The following FRMD5 variants were observed in gnomAD, a reference collection of about 807,000 sequenced individuals.
FRMD5 encodes the protein FERM domain-containing protein 5.
In FRMD5, 20 loss-of-function variants were observed where a neutral mutation model predicts 69.0. The observed-to-expected ratio is 0.29, with a 90% confidence interval of 0.20 to 0.42. The LOEUF (loss-of-function observed/expected upper bound fraction) is 0.42. FRMD5 is among the 10% of genes least tolerant of loss of function. FRMD5 has a pLI of 1.00. For missense variants in FRMD5, 595 were observed against 708.6 expected (o/e 0.84, Z 1.82); for synonymous variants, 271 against 260.1 (o/e 1.04, Z -0.40).
At chr15:44,030,300 G>A (rs1002834489) in intron 1 of FRMD5, among the ~76,000 whole-genome samples, 9 of 152,162 alleles carry the variant, frequency 5.9e-5, no homozygotes, top group African/African-American at 2.2e-4. Flanking sequence ...CCCATACCCA[G>A]AGTCAGATTA....
intron 1 of FRMD5, among the ~76,000 whole-genome samples, chr15:43,951,689 C>A (rs935497552): frequency 1.3e-5 from 2 of 152,088 alleles, no homozygotes; most frequent in African/African-American, 4.8e-5. Flanking sequence ...TCCTTTAATG[C>A]TTTTGAGCCT....
intron 1 of FRMD5, among the ~76,000 whole-genome samples, chr15:44,116,649 C>A (rs1003847263): frequency 1.3e-5 from 2 of 152,176 alleles, no homozygotes; most frequent in African/African-American, 4.8e-5. Context: ...GAAGGGTCAG[C>A]ACTATCTCCT....
rs5812262 is a variant in FRMD5, at chr15:44,022,584, G to GAAAAA, written c.103-98280_103-98276dup. On this transcript the variant is annotated intron_variant, in intron 1 of 13. Coordinates refer to ENST00000417257, the MANE Select transcript of FRMD5 (RefSeq NM_032892.5). The stretch of plus-strand genomic sequence containing the variant: ...GCAAGACTCTGTCCCCACTCCACCA[G>GAAAAA]AAAAAAAAAAAAAAAAAAAAAAAGA... Among the ~76,000 whole-genome samples the GAAAAA allele has an allele frequency of 1.9e-4, 14 of 73,168 alleles. No individual in the cohort carries two copies. In the East Asian group the frequency reaches 2.0e-3, roughly 10 times the overall value. 48.0% of individuals were successfully genotyped at this position (73,168 alleles called of 152,430 possible).
chr15:44,020,802 A>C (rs1269026236), intron 1 of FRMD5, among the ~76,000 whole-genome samples: 1 of 152,158 alleles, frequency 6.6e-6, no homozygotes, highest in East Asian at 1.9e-4. Flanking sequence ...GTGTTTGTTG[A>C]TTTCAGTGGT....
intron 1 of FRMD5, among the ~76,000 whole-genome samples, chr15:44,163,304 T>C (rs1027217935): frequency 6.6e-6 from 1 of 152,252 alleles, no homozygotes; most frequent in Non-Finnish European, 1.5e-5. Flanking sequence ...TTATATTCAA[T>C]GTGTCTACTT....
chr15:44,123,934 G>GA (rs887610006), intron 1 of FRMD5, among the ~76,000 whole-genome samples: 2 of 151,996 alleles, frequency 1.3e-5, no homozygotes, highest in African/African-American at 4.8e-5. Context: ...AACTCTTCTT[G>GA]AAAAAAACCA....
chr15:44,003,288 C>T (rs957228792), intron 1 of FRMD5, among the ~76,000 whole-genome samples: 4 of 152,192 alleles, frequency 2.6e-5, no homozygotes, highest in African/African-American at 7.2e-5. Flanking sequence ...GCCTAGATTG[C>T]ACCCAGCTAG....
At chr15:44,041,937 GA>G (rs1168455446) in intron 1 of FRMD5, among the ~76,000 whole-genome samples, 1 of 152,094 alleles carries the variant, frequency 6.6e-6, no homozygotes, top group African/African-American at 2.4e-5. Context: ...GATCAGAGCA[GA>G]ACTGAGGGAG....
At chr15:44,031,717 C>T (rs185788386) in intron 1 of FRMD5, among the ~76,000 whole-genome samples, 93 of 152,226 alleles carry the variant, frequency 6.1e-4, no homozygotes, top group Middle Eastern at 3.4e-3. Flanking sequence ...CCTTTTGGTC[C>T]TATTTCACGT....
intron 1 of FRMD5, among the ~76,000 whole-genome samples, chr15:44,009,690 C>T (rs1890623958): frequency 6.6e-6 from 1 of 152,042 alleles, no homozygotes; most frequent in South Asian, 2.1e-4. Flanking sequence ...AAAAAAAATC[C>T]ACTTTTATGG....
At chr15:44,180,025 T>G (rs1438136071) in intron 1 of FRMD5, among the ~76,000 whole-genome samples, 1 of 133,188 alleles carries the variant, frequency 7.5e-6, no homozygotes, top group East Asian at 2.3e-4. Flanking sequence ...CATTCCAGCC[T>G]GGACAAGATA....
rs1450161994 is a variant in FRMD5, at chr15:44,195,255, A to C, written c.-201T>G. On this transcript the variant is annotated 5_prime_UTR_variant, in exon 1 of 14. Coordinates refer to ENST00000417257, the MANE Select transcript of FRMD5 (RefSeq NM_032892.5). ...CCGCCACCGCCTCCCCCCAGCCCAGATCAAGCGCCGGGCTCTGTCTCCTCG... is the reference window on the plus strand; with the variant it reads ...CCGCCACCGCCTCCCCCCAGCCCAGCTCAAGCGCCGGGCTCTGTCTCCTCG... 2.5e-5 allele frequency: 13 copies of C among 516,720 alleles called. No homozygotes were observed. Among genetic ancestry groups the C allele is most frequent in the Non-Finnish European group, 4.1e-5 (12 of 294,752 alleles). The allele number at this position is 516,720 out of a possible 1,614,324, so 32.0% of individuals were successfully genotyped here.
rs192877183 is a variant in FRMD5, at chr15:44,044,533, G to C, written c.103-120224C>G. Among the ~76,000 whole-genome samples the C allele has an allele frequency of 3.7e-3, 562 of 152,298 alleles. 2 individuals carry two copies. The highest frequency in any genetic ancestry group is 6.8e-3 in the Middle Eastern group (2 of 294). ...CCAACCCAAATGTCCATCAATGATA[G>C]ACTGGATAAACAATATATGGCATAT... On this transcript the variant is annotated intron_variant, in intron 1 of 13. Coordinates refer to ENST00000417257, the MANE Select transcript of FRMD5 (RefSeq NM_032892.5).
rs567128115 is a variant in FRMD5 at position 43,954,828 on chromosome 15, AC to A, written c.103-30520del. Among the ~76,000 whole-genome samples, 496 of 152,330 alleles carry A rather than the reference AC, an allele frequency of 3.3e-3. 1 individual carries two copies. The highest frequency in any genetic ancestry group is 4.7e-3 in the Non-Finnish European group (322 of 68,032). On this transcript the variant is annotated intron_variant, in intron 1 of 13. Coordinates refer to ENST00000417257, the MANE Select transcript of FRMD5 (RefSeq NM_032892.5). ...CATGAGATAAGTGATATAAAGTGCT[AC>A]AGTGCTTAGTACAGCACCTAGCACT...
rs542438211 is a variant in FRMD5 at position 44,139,352 on chromosome 15, CAG to C, written c.102+55599_102+55600del. On this transcript the variant is annotated intron_variant, in intron 1 of 13. Transcript: ENST00000417257. ...ACACTTTCTTTCATCTACTAAAAGA[CAG>C]AGTCTATGAGACTAAGTTAAAAAAA... is the stretch of plus-strand genomic sequence containing the variant. 2.8e-4 allele frequency among the ~76,000 whole-genome samples: 42 copies of C among 150,850 alleles called. 1 individual carries two copies. The South Asian group carries it at 7.5e-3, about 27-fold the overall frequency.
chr15:44,033,777 A>T (rs1891789221), intron 1 of FRMD5, among the ~76,000 whole-genome samples: 1 of 152,190 alleles, frequency 6.6e-6, no homozygotes, highest in Non-Finnish European at 1.5e-5. Flanking sequence ...TAACTGGGTG[A>T]GTTGGGGTAA....
intron 1 of FRMD5, among the ~76,000 whole-genome samples, chr15:44,103,389 T>C (rs952325682): frequency 6.6e-6 from 1 of 152,230 alleles, no homozygotes; most frequent in African/African-American, 2.4e-5. Flanking sequence ...TTTTATGGAA[T>C]AGTTTTGATT....
chr15:44,080,459 T>A (rs1384246300), intron 1 of FRMD5, among the ~76,000 whole-genome samples: 1 of 152,130 alleles, frequency 6.6e-6, no homozygotes, highest in Non-Finnish European at 1.5e-5. Context: ...AAATCTACCT[T>A]TGAAGTAATC....
intron 1 of FRMD5, among the ~76,000 whole-genome samples, chr15:44,068,608 T>C (rs913530200): frequency 2.0e-5 from 3 of 152,006 alleles, no homozygotes; most frequent in African/African-American, 7.3e-5. Context: ...AATGGGAGAG[T>C]GCAGAGTGAC....
Sources: gnomAD v4.1 joint callset for allele counts (sites outside exome capture counted in the v4.1 genomes callset) on GRCh38, gnomAD v4.1.1 for gene constraint, MANE v1.5 for transcripts, NCBI Gene and HGNC (gene_info 2026-07-23, HGNC 2026-07-21) for gene names.